PLAGL1: variants seen among roughly 807,000 people sequenced by gnomAD.
The protein encoded by PLAGL1 is zinc finger protein PLAGL1.
PLAGL1 carries 1 observed loss-of-function variant against 4.6 expected under a neutral mutation model. The observed-to-expected ratio is 0.22, with a 90% CI of 0.08 to 1.03. The LOEUF (loss-of-function observed/expected upper bound fraction) is 1.03. Among genes scored for constraint, PLAGL1 ranks in the 50% least tolerant of loss-of-function variants. The pLI is 0.58. For synonymous variants in PLAGL1, 240 were observed against 237.8 expected (o/e 1.01, Z -0.08); for missense variants, 464 against 570.4 (o/e 0.81, Z 1.90).
chr6:144,035,806 T>G (rs1394902368), intron 1 of PLAGL1, among the ~76,000 whole-genome samples: 1 of 152,220 alleles, frequency 6.6e-6, no homozygotes, highest in South Asian at 2.1e-4. Context: ...ATATGTGTAA[T>G]GTAGATCATT....
In PLAGL1 at chr6:144,006,753, C is replaced by T. The variant is rs928718142; in HGVS notation, c.-584+1337G>A. 3.3e-5 allele frequency: 5 copies of T among 152,170 alleles called. No homozygotes were observed. Among genetic ancestry groups the T allele is most frequent in the African/African-American group, 1.2e-4 (5 of 41,420 alleles). 9.4% of individuals were successfully genotyped at this position (152,170 alleles called of 1,614,324 possible). A position where few individuals can be genotyped will look rare whatever the true frequency, so the allele number is the denominator to read the frequency against. ...TTACAGTCAACCTTCTTGTACACGT[C>T]TGCTTGTGGACATGTATTAAAATTT... is the stretch of plus-strand genomic sequence containing the variant. On this transcript the variant is annotated intron_variant, in intron 1 of 7. Coordinates refer to ENST00000674357, the MANE Select transcript of PLAGL1 (RefSeq NM_001317162.2). This position sits in a 1 kb window ranked among gnomAD's most constrained non-coding sequence, Gnocchi z 4.3.
At chr6:143,988,505 T>G (rs1011468340) in intron 1 of PLAGL1, among the ~76,000 whole-genome samples, 1 of 152,234 alleles carries the variant, frequency 6.6e-6, no homozygotes, top group Admixed American at 6.5e-5. Context: ...CAGGGGCTAC[T>G]GTGGGCACTT....
chr6:143,969,541 T>G (rs887308536), intron 2 of PLAGL1, among the ~76,000 whole-genome samples: 1 of 151,898 alleles, frequency 6.6e-6, no homozygotes. Context: ...TCCCAGCATT[T>G]TGAGAGGCCA....
rs765027393 is a variant in PLAGL1, at chr6:143,941,032, C to T, written c.*392G>A. 6.3e-6 allele frequency: 1 copy of T among 157,746 alleles called. No homozygotes were observed. The highest frequency in any genetic ancestry group is 6.5e-5 in the Admixed American group (1 of 15,432). 9.8% of individuals were successfully genotyped at this position (157,746 alleles called of 1,614,324 possible). A position where few individuals can be genotyped will look rare whatever the true frequency, so the allele number is the denominator to read the frequency against. ...TATTTTCTTATTTTGAAAATTCTCC[C>T]AGATTTGGAGAAATCCAAACCTTTC... On this transcript the variant is annotated 3_prime_UTR_variant, in exon 8 of 8. Transcript: ENST00000674357. This position sits in a 1 kb window ranked among gnomAD's most constrained non-coding sequence, Gnocchi z 6.0.
chr6:144,041,446 C>T (rs1342594495), intron 1 of PLAGL1, among the ~76,000 whole-genome samples: 2 of 151,408 alleles, frequency 1.3e-5, no homozygotes, highest in African/African-American at 4.9e-5. Context: ...GGTTTTTTGT[C>T]CCTGTGACAA....
chr6:144,042,965 G>A (rs1797851898), intron 1 of PLAGL1, among the ~76,000 whole-genome samples: 1 of 152,090 alleles, frequency 6.6e-6, no homozygotes, highest in African/African-American at 2.4e-5. Flanking sequence ...TCATGATTTG[G>A]CTCTCTGTTT....
intron 6 of PLAGL1, among the ~76,000 whole-genome samples, chr6:143,956,008 GGT>G (rs1782040552): frequency 6.6e-6 from 1 of 152,222 alleles, no homozygotes; most frequent in African/African-American, 2.4e-5. Flanking sequence ...TGGGCTTAAT[GGT>G]GCCTAATGGG....
At chr6:144,062,036 G>A (rs1357112861) in intron 1 of PLAGL1, among the ~76,000 whole-genome samples, 1 of 152,126 alleles carries the variant, frequency 6.6e-6, no homozygotes, top group Non-Finnish European at 1.5e-5. Context: ...AGACATAGCT[G>A]AGACTTTTAT....
chr6:144,001,420 AGAAG>A (rs1039450310), intron 1 of PLAGL1, among the ~76,000 whole-genome samples: 2 of 152,188 alleles, frequency 1.3e-5, no homozygotes, highest in African/African-American at 4.8e-5. Flanking sequence ...AAATGTAGAA[AGAAG>A]GAAGGAAATG....
Position 143,962,187 on chromosome 6 carries a change from G to A in PLAGL1, c.-398-1645C>T, listed in dbSNP as rs992932617. 6.6e-6 allele frequency among the ~76,000 whole-genome samples: 1 copy of A among 152,106 alleles called. No individual in the cohort carries two copies. Among genetic ancestry groups the A allele is most frequent in the African/African-American group, 2.4e-5 (1 of 41,402 alleles). ...GAGCCCAAGGCAGGCCTGGTCTGGG[G>A]GGAAAATCATGTGCAGTATATGACG... On this transcript the variant is annotated intron_variant, in intron 5 of 7. Transcript: ENST00000674357. This position sits in a 1 kb window ranked among gnomAD's most constrained non-coding sequence, Gnocchi z 5.3.
intron 2 of PLAGL1, among the ~76,000 whole-genome samples, chr6:143,977,231 G>A (rs938476274): frequency 6.6e-6 from 1 of 151,808 alleles, no homozygotes; most frequent in African/African-American, 2.4e-5. Context: ...TACATTCTAT[G>A]GGTTTGAAAA....
chr6:143,947,557 A>G lies in PLAGL1; in HGVS notation c.152+428T>C, dbSNP rs544662119. Among the ~76,000 whole-genome samples the G allele has an allele frequency of 3.3e-5, 5 of 152,282 alleles. No homozygotes were observed. The highest frequency in any genetic ancestry group is 1.2e-4 in the African/African-American group (5 of 41,556). ...CATGGGTGCTTTAAGGCCAAGACTT[A>G]TGGCTTTCCCAGAACCTCCTCTCTG... On this transcript the variant is annotated intron_variant, in intron 7 of 7. Coordinates refer to ENST00000674357, the MANE Select transcript of PLAGL1 (RefSeq NM_001317162.2). The surrounding 1 kb of genome is among the most constrained non-coding windows in gnomAD (Gnocchi z 4.3).
At position 143,973,046 on chromosome 6, in the gene PLAGL1, G is replaced by A. The variant is rs1785732403; in HGVS notation, c.-543-4068C>T. On this transcript the variant is annotated intron_variant, in intron 2 of 7. Transcript: ENST00000674357. The surrounding 1 kb of genome is among the most constrained non-coding windows in gnomAD (Gnocchi z 6.2). ...CCCAATTCCTCTGTGTTAAATTGAG[G>A]TCTAATTTTCCCTGTGCCTGGTTTT... Among the ~76,000 whole-genome samples the A allele has an allele frequency of 6.6e-6, 1 of 152,182 alleles. No homozygotes were observed. The highest frequency in any genetic ancestry group is 1.5e-5 in the Non-Finnish European group (1 of 68,032).
chr6:143,983,772 T>C lies in PLAGL1; in HGVS notation c.-544+1363A>G, dbSNP rs1788458763. Among the ~76,000 whole-genome samples the C allele has an allele frequency of 6.6e-6, 1 of 151,892 alleles. No homozygotes were observed. ...TGTCTAGGTGGAGTTAAAAATGTGTTGGAGTGGGAGGACAGATGGAGAATG... is the reference window on the plus strand; with the variant it reads ...TGTCTAGGTGGAGTTAAAAATGTGTCGGAGTGGGAGGACAGATGGAGAATG... On this transcript the variant is annotated intron_variant, in intron 2 of 7. Coordinates refer to ENST00000674357, the MANE Select transcript of PLAGL1 (RefSeq NM_001317162.2). The surrounding 1 kb of genome is among the most constrained non-coding windows in gnomAD (Gnocchi z 6.6).
In PLAGL1 at chr6:143,978,707, ATTGAC is replaced by A. The variant is rs1488288310; in HGVS notation, c.-544+6423_-544+6427del. On this transcript the variant is annotated intron_variant, in intron 2 of 7. Transcript: ENST00000674357. The surrounding 1 kb of genome is among the most constrained non-coding windows in gnomAD (Gnocchi z 4.6). ...GTATGATTTAAATCCTTCAGAATTAATTGACTTATTTTCCCACCCAGAATATGGTC... is the reference window on the plus strand; with the variant it reads ...GTATGATTTAAATCCTTCAGAATTAATTATTTTCCCACCCAGAATATGGTC... 6.6e-6 allele frequency among the ~76,000 whole-genome samples: 1 copy of A among 152,210 alleles called. No homozygotes were observed. Among genetic ancestry groups the A allele is most frequent in the African/African-American group, 2.4e-5 (1 of 41,456 alleles).
rs1334229810 is a variant in PLAGL1, at chr6:144,016,007, A to C, written c.-150-47029T>G. ...GGCAAACTGCTGATACTGTCAACACAGATGAATCAAAACAACAACAACACT... is the reference window on the plus strand; with the variant it reads ...GGCAAACTGCTGATACTGTCAACACCGATGAATCAAAACAACAACAACACT... On this transcript the variant is annotated intron_variant, in intron 1 of 3. Transcript: ENST00000437412. The surrounding 1 kb of genome is among the most constrained non-coding windows in gnomAD (Gnocchi z 4.2). Among the ~76,000 whole-genome samples the C allele has an allele frequency of 8.5e-5, 13 of 152,234 alleles. No homozygotes were observed. Among genetic ancestry groups the C allele is most frequent in the Admixed American group, 8.5e-4 (13 of 15,284 alleles).
In PLAGL1 at chr6:143,978,797, G is replaced by A. The variant is rs560371871; in HGVS notation, c.-544+6338C>T. Among the ~76,000 whole-genome samples the A allele has an allele frequency of 4.6e-5, 7 of 152,234 alleles. No individual in the cohort carries two copies. The East Asian group carries it at 1.2e-3, about 25-fold the overall frequency. On this transcript the variant is annotated intron_variant, in intron 2 of 7. Transcript: ENST00000674357. This position sits in a 1 kb window ranked among gnomAD's most constrained non-coding sequence, Gnocchi z 4.6. ...AGTGTGCAGTTTGCTGTTGAGTAGC[G>A]TTCTATAAACGCCAATTAAGTCAAT...
intron 1 of PLAGL1, among the ~76,000 whole-genome samples, chr6:143,992,525 C>T (rs1790696471): frequency 6.6e-6 from 1 of 152,136 alleles, no homozygotes; most frequent in South Asian, 2.1e-4. Flanking sequence ...AATATATGAC[C>T]TTGGTTTAGC....
At position 143,985,979 on chromosome 6, in the gene PLAGL1, A is replaced by T. The variant is rs974903945; in HGVS notation, c.-583-805T>A. Among the ~76,000 whole-genome samples, 13 of 55,330 alleles carry T rather than the reference A, an allele frequency of 2.3e-4. No homozygotes were observed. The highest frequency in any genetic ancestry group is 9.3e-4 in the East Asian group (1 of 1,070). 36.3% of individuals were successfully genotyped at this position (55,330 alleles called of 152,430 possible). On this transcript the variant is annotated intron_variant, in intron 1 of 7. Coordinates refer to ENST00000674357, the MANE Select transcript of PLAGL1 (RefSeq NM_001317162.2). The surrounding 1 kb of genome is among the most constrained non-coding windows in gnomAD (Gnocchi z 4.4). ...ATATATATCAAATTATATATATATA[A>T]AATTATATATATATATATATATATA...
Sources: allele counts gnomAD v4.1 joint callset (sites outside exome capture counted in the v4.1 genomes callset), GRCh38; gene constraint gnomAD v4.1.1; non-coding constraint Gnocchi (gnomAD v3.1); transcripts MANE v1.5; gene names NCBI Gene and HGNC (gene_info 2026-07-23, HGNC 2026-07-21).